CADPS: variants seen among roughly 807,000 people sequenced by gnomAD.
CADPS encodes the protein calcium dependent secretion activator.
CADPS carries 57 observed loss-of-function variants against 167.3 expected under a neutral mutation model. That is an observed-to-expected ratio of 0.34 (90% CI 0.28 to 0.42). The LOEUF (loss-of-function observed/expected upper bound fraction) is 0.42, where lower values mean the gene tolerates loss of function less well. CADPS is among the 20% of genes least tolerant of loss of function. CADPS has a pLI of 1.00. For missense variants in CADPS, 1,414 were observed against 1,738.1 expected (o/e 0.81, Z 3.32); for synonymous variants, 676 against 635.3 (o/e 1.06, Z -0.96).
rs2073438202 is a variant in CADPS at position 62,530,653 on chromosome 3, C to T, written c.2291+2218G>A. 4 of 1,286,110 alleles carry T rather than the reference C, an allele frequency of 3.1e-6. No individual in the cohort carries two copies. In the South Asian group the frequency reaches 3.7e-5, roughly 12 times the overall value. The allele number at this position is 1,286,110 out of a possible 1,614,324, so 79.7% of individuals were successfully genotyped here. ...AAGCCAATACACACATAACTTCTTA[C>T]CTTTTCAGCTCTTGATTTGCCTGGG... On this transcript the variant is annotated intron_variant, in intron 13 of 29. Coordinates refer to ENST00000383710, the MANE Select transcript of CADPS (RefSeq NM_003716.4).
At chr3:62,418,451 A>T (rs1334700897) in intron 28 of CADPS, among the ~76,000 whole-genome samples, 2 of 148,508 alleles carry the variant, frequency 1.3e-5, no homozygotes, top group Non-Finnish European at 3.0e-5. Flanking sequence ...CAGCACCCCA[A>T]GTAGTTGGGA....
intron 6 of CADPS, among the ~76,000 whole-genome samples, chr3:62,616,061 T>C (rs148533202): frequency 6.6e-6 from 1 of 152,302 alleles, no homozygotes; most frequent in African/African-American, 2.4e-5. Context: ...TCCCCTTTTC[T>C]ATCAGTAGCT....
chr3:62,874,327 C>T lies in CADPS; in HGVS notation c.441+262G>A, dbSNP rs2083241720. ...CTGCCTGCCTCGCTCACCAACGCTC[C>T]CGGGCTGGGGGGGCTCGAGCAAGCG... On this transcript the variant is annotated intron_variant, in intron 1 of 29. Transcript: ENST00000383710. This position sits in a 1 kb window ranked among gnomAD's most constrained non-coding sequence, Gnocchi z 7.1. Among the ~76,000 whole-genome samples, 1 of 152,186 alleles carries T rather than the reference C, an allele frequency of 6.6e-6. No individual in the cohort carries two copies.
At chr3:62,770,433 G>A (rs1399692623) in intron 1 of CADPS, among the ~76,000 whole-genome samples, 2 of 151,918 alleles carry the variant, frequency 1.3e-5, no homozygotes, top group Non-Finnish European at 2.9e-5. Flanking sequence ...TTGTTTGTTT[G>A]TTTGTTTTTT....
chr3:62,638,289 G>A (rs2066731743), intron 6 of CADPS, among the ~76,000 whole-genome samples: 1 of 151,954 alleles, frequency 6.6e-6, no homozygotes, highest in Non-Finnish European at 1.5e-5. Flanking sequence ...TCTTATTAGT[G>A]AGGATTTAGA....
At chr3:62,751,478 G>A (rs187458538) in intron 3 of CADPS, among the ~76,000 whole-genome samples, 3 of 151,970 alleles carry the variant, frequency 2.0e-5, no homozygotes, top group African/African-American at 4.8e-5. Context: ...ATGGAGTCTC[G>A]TTCTGTTGCC....
At chr3:62,660,521 T>G (rs2072935402) in intron 4 of CADPS, among the ~76,000 whole-genome samples, 1 of 152,232 alleles carries the variant, frequency 6.6e-6, no homozygotes. Flanking sequence ...AAAAACAAGA[T>G]GCAAAACATT....
intron 4 of CADPS, among the ~76,000 whole-genome samples, chr3:62,653,333 G>T (rs564550653): frequency 6.6e-4 from 100 of 152,182 alleles, no homozygotes; most frequent in African/African-American, 2.3e-3. Flanking sequence ...GCCAGCATGT[G>T]AGGACCTGGT....
intron 3 of CADPS, among the ~76,000 whole-genome samples, chr3:62,677,297 C>T (rs2076479715): frequency 6.6e-6 from 1 of 152,060 alleles, no homozygotes; most frequent in South Asian, 2.1e-4. Flanking sequence ...AAAACCAAAA[C>T]AACAACAACA....
intron 1 of CADPS, among the ~76,000 whole-genome samples, chr3:62,827,481 T>C (rs189836497): frequency 1.3e-4 from 20 of 152,292 alleles, no homozygotes. Flanking sequence ...TTAATTAATT[T>C]GCCCAGGGTC....
intron 10 of CADPS, 76 bp from the exon 11 acceptor site, chr3:62,550,191 C>G (rs911457992): frequency 8.5e-7 from 1 of 1,173,846 alleles, no homozygotes; most frequent in African/African-American, 1.5e-5. Context: ...TTTGAAAAAG[C>G]AGTTTCTGCT....
intron 17 of CADPS, among the ~76,000 whole-genome samples, chr3:62,508,813 A>C (rs1237128227): frequency 6.6e-6 from 1 of 152,198 alleles, no homozygotes; most frequent in Non-Finnish European, 1.5e-5. Flanking sequence ...CTGATAGAAG[A>C]GAGAGACACT....
At chr3:62,665,539 G>A (rs959794854) in intron 3 of CADPS, among the ~76,000 whole-genome samples, 5 of 152,178 alleles carry the variant, frequency 3.3e-5, no homozygotes, top group Non-Finnish European at 7.3e-5. Context: ...TCATACTTAA[G>A]TGCCTTGTTT....
chr3:62,686,575 T>C lies in CADPS; in HGVS notation c.889-24181A>G, dbSNP rs377710743. On this transcript the variant is annotated intron_variant, in intron 3 of 29. Coordinates refer to ENST00000383710, the MANE Select transcript of CADPS (RefSeq NM_003716.4). ...ATATAAGATAAAAATATTGTCAATCTGCAGATCTGCAGACAAGCAAAGGCT... is the reference window on the plus strand; with the variant it reads ...ATATAAGATAAAAATATTGTCAATCCGCAGATCTGCAGACAAGCAAAGGCT... Among the ~76,000 whole-genome samples the C allele has an allele frequency of 2.6e-5, 4 of 152,174 alleles. No homozygotes were observed. In the East Asian group the frequency reaches 5.8e-4, roughly 22 times the overall value.
chr3:62,657,423 A>C (rs2071933157), intron 4 of CADPS, among the ~76,000 whole-genome samples: 3 of 152,300 alleles, frequency 2.0e-5, no homozygotes, highest in Admixed American at 2.0e-4. Context: ...CGGCCAAAAG[A>C]ACTGGCAAAT....
At chr3:62,535,579 A>T (rs1312110120) in intron 12 of CADPS, among the ~76,000 whole-genome samples, 1 of 152,060 alleles carries the variant, frequency 6.6e-6, no homozygotes, top group Admixed American at 6.6e-5. Flanking sequence ...AGAATCAGGG[A>T]TGAGAATTTT....
At chr3:62,857,816 CTG>C (rs1414709829) in intron 1 of CADPS, among the ~76,000 whole-genome samples, 1 of 151,830 alleles carries the variant, frequency 6.6e-6, no homozygotes, top group Non-Finnish European at 1.5e-5. Flanking sequence ...TTTATAGAAA[CTG>C]TAAAATTTAA....
At chr3:62,536,648 C>G (rs1401198060) in intron 11 of CADPS, 67 bp from the exon 12 acceptor site, 2 of 1,498,550 alleles carry the variant, frequency 1.3e-6, no homozygotes, top group African/African-American at 2.8e-5. Context: ...TTTGACATTT[C>G]AAATACACAG....
chr3:62,580,094 C>G (rs575032996), intron 8 of CADPS, among the ~76,000 whole-genome samples: 53 of 152,204 alleles, frequency 3.5e-4, no homozygotes, highest in South Asian at 1.2e-3. Flanking sequence ...GAGTTCGAGA[C>G]CAAAGGACTA....
Sources: allele counts gnomAD v4.1 joint callset (sites outside exome capture counted in the v4.1 genomes callset), GRCh38; gene constraint gnomAD v4.1.1; non-coding constraint Gnocchi (gnomAD v3.1); transcripts MANE v1.5; gene names NCBI Gene and HGNC (gene_info 2026-07-23, HGNC 2026-07-21).